The following PGM1 variants were observed in gnomAD, a reference collection of about 807,000 sequenced individuals.
The protein encoded by PGM1 is phosphoglucomutase-1.
Under a neutral mutation model 55.6 loss-of-function variants are expected in PGM1, and 52 were observed. The observed-to-expected ratio is 0.94, with a 90% CI of 0.75 to 1.18. The LOEUF is 1.18. Among genes scored for constraint, PGM1 ranks in the 50% most tolerant of loss-of-function variants. The pLI, the probability that PGM1 is intolerant of heterozygous loss-of-function variation, is 0.00. For synonymous variants in PGM1, 287 were observed against 271.7 expected (o/e 1.06, Z -0.55); for missense variants, 724 against 729.3 (o/e 0.99, Z 0.08).
At chr1:63,616,969 G>A (rs577302953) in intron 1 of PGM1, among the ~76,000 whole-genome samples, 50 of 152,292 alleles carry the variant, frequency 3.3e-4, no homozygotes, top group African/African-American at 1.1e-3. Context: ...TAATACTTAC[G>A]CAGGGCTTGC....
intron 7 of PGM1, among the ~76,000 whole-genome samples, chr1:63,641,438 A>G (rs1252015662): frequency 6.6e-6 from 1 of 152,220 alleles, no homozygotes; most frequent in Non-Finnish European, 1.5e-5. Flanking sequence ...TAGAGGAGTT[A>G]ATTTTTAGCA....
intron 6 of PGM1, among the ~76,000 whole-genome samples, chr1:63,638,454 C>T (rs988575480): frequency 2.6e-5 from 4 of 152,208 alleles, no homozygotes; most frequent in Non-Finnish European, 5.9e-5. Flanking sequence ...AAATATTAAA[C>T]TCCATGATCT....
chr1:63,614,456 G>A (rs1648654303), intron 1 of PGM1, among the ~76,000 whole-genome samples: 1 of 152,118 alleles, frequency 6.6e-6, no homozygotes, highest in African/African-American at 2.4e-5. Flanking sequence ...ATGAGCCACT[G>A]CCCATCTAAG....
At chr1:63,609,788 T>A (rs1033658) in intron 1 of PGM1, among the ~76,000 whole-genome samples, 3,310 of 152,294 alleles carry the variant, frequency 0.022, 128 homozygotes, top group African/African-American at 0.076. Flanking sequence ...CAACATTTTA[T>A]TATAAATTAG....
rs764588256 is a variant in PGM1 at position 63,654,431 on chromosome 1, G to A, written c.1564G>A (p.Glu522Lys). ...ATIRLYIDSY[E>K]KDVAKINQDP... is the part of the protein sequence containing the mutation. ...CATTCGGCTGTACATCGATAGCTAT[G>A]AGAAGGACGTTGCCAAGATTAACCA... Residue 522 changes from glutamate (E) to lysine (K), a missense_variant, in exon 10 of 11, where the codon GAG (glutamate) becomes AAG (lysine). Transcript: ENST00000371084. 1.2e-6 allele frequency: 2 copies of A among 1,614,104 alleles called. No homozygotes were observed. The highest frequency in any genetic ancestry group is 1.7e-6 in the Non-Finnish European group (2 of 1,179,964).
intron 10 of PGM1, among the ~76,000 whole-genome samples, chr1:63,657,084 A>C (rs1649988340): frequency 6.6e-6 from 1 of 152,256 alleles, no homozygotes; most frequent in African/African-American, 2.4e-5. Context: ...ACATCATATT[A>C]TATACCTTAA....
At chr1:63,646,924 A>C (rs1271851217) in intron 7 of PGM1, among the ~76,000 whole-genome samples, 3 of 151,926 alleles carry the variant, frequency 2.0e-5, no homozygotes, top group Non-Finnish European at 2.9e-5. Flanking sequence ...TTCTATATTG[A>C]ATGTATTAAA....
chr1:63,618,406 C>T (rs1648798964), intron 1 of PGM1, among the ~76,000 whole-genome samples: 2 of 152,164 alleles, frequency 1.3e-5, no homozygotes, highest in African/African-American at 4.8e-5. Context: ...AACTTAAAAT[C>T]CTGTCTAAAT....
intron 7 of PGM1, among the ~76,000 whole-genome samples, chr1:63,639,096 T>G (rs930703597): frequency 3.9e-5 from 6 of 152,124 alleles, no homozygotes; most frequent in African/African-American, 1.2e-4. Flanking sequence ...GATAAACAGA[T>G]TTTTCTTCCT....
intron 1 of PGM1, among the ~76,000 whole-genome samples, chr1:63,617,519 C>G (rs190932603): frequency 7.2e-5 from 11 of 151,996 alleles, no homozygotes; most frequent in Admixed American, 6.6e-4. Context: ...CCAGCCTGTC[C>G]AACACAGTGA....
chr1:63,640,661 G>T (rs1016668967), intron 7 of PGM1, among the ~76,000 whole-genome samples: 1 of 152,192 alleles, frequency 6.6e-6, no homozygotes, highest in Non-Finnish European at 1.5e-5. Flanking sequence ...CCCTGGTGCT[G>T]ACCCACAGGG....
intron 7 of PGM1, 101 bp from the exon 8 acceptor site, chr1:63,648,416 A>G: frequency 7.7e-7 from 1 of 1,303,230 alleles, no homozygotes; most frequent in Non-Finnish European, 1.1e-6. Flanking sequence ...CTCCCTCAAC[A>G]TGAGATTTGG....
chr1:63,636,955 A>G (rs1649382706), intron 6 of PGM1, among the ~76,000 whole-genome samples: 2 of 152,238 alleles, frequency 1.3e-5, no homozygotes, highest in Non-Finnish European at 2.9e-5. Flanking sequence ...ATGTTTATAT[A>G]TCACTTCATT....
At chr1:63,602,892 A>G (rs931985476) in intron 1 of PGM1, among the ~76,000 whole-genome samples, 5 of 152,176 alleles carry the variant, frequency 3.3e-5, no homozygotes, top group African/African-American at 1.2e-4. Context: ...AACTGCCACA[A>G]GGTGCTGTCA....
rs778312245 is a variant in PGM1 at position 63,593,730 on chromosome 1, A to G, written c.242A>G (p.Asn81Ser). 1.3e-6 allele frequency: 2 copies of G among 1,595,130 alleles called. No individual in the cohort carries two copies. The highest frequency in any genetic ancestry group is 1.7e-6 in the Non-Finnish European group (2 of 1,174,608). The change falls in exon 1 of 11, where the codon AAC becomes AGC. Residue 81 changes from asparagine (N) to serine (S), a missense_variant. By Grantham distance (46) the Asn-to-Ser change is conservative. Coordinates refer to ENST00000371084, the MANE Select transcript of PGM1 (RefSeq NM_002633.3). ...IQLIARIAAANGIGRLVIGQN... is the reference protein window; with the variant it reads ...IQLIARIAAASGIGRLVIGQN... ...CTCATCGCTCGCATCGCTGCCGCCAACGGGGTAAGGGATGCGCGGCCCCGC... is the reference window on the plus strand; with the variant it reads ...CTCATCGCTCGCATCGCTGCCGCCAGCGGGGTAAGGGATGCGCGGCCCCGC...
intron 8 of PGM1, among the ~76,000 whole-genome samples, chr1:63,650,660 ACT>A (rs559801541): frequency 2.2e-4 from 33 of 152,306 alleles, no homozygotes; most frequent in African/African-American, 6.5e-4. Flanking sequence ...CTAAAAAATA[ACT>A]CTCTCAAGAG....
intron 10 of PGM1, among the ~76,000 whole-genome samples, chr1:63,656,571 G>GGTGTGT (rs10629750): frequency 0.012 from 1,792 of 144,314 alleles, 17 homozygotes; most frequent in African/African-American, 0.029. Flanking sequence ...AAGACATTGT[G>GGTGTGT]GTGTGTGTGT....
chr1:63,594,386 T>C (rs1202382302), intron 1 of PGM1, among the ~76,000 whole-genome samples: 1 of 152,058 alleles, frequency 6.6e-6, no homozygotes, highest in East Asian at 1.9e-4. Context: ...GCCTGCTTGC[T>C]GGGGGGCAGG....
At chr1:63,638,400 C>T (rs888463334) in intron 6 of PGM1, among the ~76,000 whole-genome samples, 1 of 152,152 alleles carries the variant, frequency 6.6e-6, no homozygotes, top group African/African-American at 2.4e-5. Context: ...ATTTAAATAG[C>T]TTAAACAGCA....
Sources: allele counts gnomAD v4.1 joint callset (sites outside exome capture counted in the v4.1 genomes callset), GRCh38; gene constraint gnomAD v4.1.1; transcripts MANE v1.5; gene names NCBI Gene and HGNC (gene_info 2026-07-23, HGNC 2026-07-21).